Variants in PHLPP1 observed in about 807,000 individuals in gnomAD.
PHLPP1 encodes PH domain and leucine rich repeat protein phosphatase 1.
In PHLPP1, 42 loss-of-function variants were observed where a neutral mutation model predicts 117.2. The observed-to-expected ratio is 0.36, with a 90% CI of 0.28 to 0.46. The LOEUF (loss-of-function observed/expected upper bound fraction) is 0.46, where lower values mean the gene tolerates loss of function less well. PHLPP1 is among the 20% of genes least tolerant of loss of function. PHLPP1 has a pLI of 1.00. For synonymous variants in PHLPP1, 1,042 were observed against 970.7 expected (o/e 1.07, Z -1.37); for missense variants, 2,084 against 2,241.9 (o/e 0.93, Z 1.42).
intron 1 of PHLPP1, among the ~76,000 whole-genome samples, chr18:62,779,931 G>A (rs894717101): frequency 8.5e-5 from 13 of 152,110 alleles, no homozygotes; most frequent in Non-Finnish European, 1.2e-4. Context: ...CCCAGCCTCT[G>A]GTTTTAGTTC....
At chr18:62,916,605 G>GTGTGTGTGTGTGTGT (rs1909283535) in intron 9 of PHLPP1, among the ~76,000 whole-genome samples, 2 of 145,768 alleles carry the variant, frequency 1.4e-5, no homozygotes, top group African/African-American at 5.1e-5. Context: ...CAAGAGGGTG[G>GTGTGTGTGTGTGTGT]GTGTGTGTGT....
chr18:62,748,439 T>C (rs1271051134), intron 1 of PHLPP1, among the ~76,000 whole-genome samples: 1 of 151,800 alleles, frequency 6.6e-6, no homozygotes, highest in Non-Finnish European at 1.5e-5. Context: ...TAGAGATGGG[T>C]TTTTGCCCTG....
intron 15 of PHLPP1, 76 bp from the exon 16 acceptor site, chr18:62,975,321 C>T (rs1055693520): frequency 9.6e-6 from 9 of 935,596 alleles, no homozygotes; most frequent in East Asian, 7.2e-5. Flanking sequence ...TCCAGTGGTG[C>T]GGTCTTGCTG....
At chr18:62,871,644 A>ATT (rs71160879) in intron 4 of PHLPP1, among the ~76,000 whole-genome samples, 4,518 of 108,552 alleles carry the variant, frequency 0.042, 130 homozygotes, top group Non-Finnish European at 0.066. Flanking sequence ...AGCTCTGAAA[A>ATT]TTTTTTTTTT....
chr18:62,924,186 G>T (rs576444426), intron 10 of PHLPP1, among the ~76,000 whole-genome samples: 1 of 152,142 alleles, frequency 6.6e-6, no homozygotes, highest in Non-Finnish European at 1.5e-5. Context: ...TGTGTGTTTG[G>T]CAAATAGCTG....
intron 2 of PHLPP1, among the ~76,000 whole-genome samples, chr18:62,832,519 C>G (rs544386638): frequency 1.7e-4 from 26 of 152,328 alleles, no homozygotes; most frequent in Middle Eastern, 3.4e-3. Flanking sequence ...GTACTAGAGT[C>G]TTGTCCTGTT....
chr18:62,863,965 T>C lies in PHLPP1; in HGVS notation c.2066+3364T>C, dbSNP rs895065047. Among the ~76,000 whole-genome samples the C allele has an allele frequency of 3.5e-5, 5 of 142,878 alleles. No homozygotes were observed. The Admixed American group carries it at 3.6e-4, about 10-fold the overall frequency. 93.7% of individuals were successfully genotyped at this position (142,878 alleles called of 152,430 possible). A position where few individuals can be genotyped will look rare whatever the true frequency, so the allele number is the denominator to read the frequency against. ...CTCAGGTTCGAATGCCTCTGACATATTTCCCCCTTCCCTTTTATTTTTTTA... is the reference window on the plus strand; with the variant it reads ...CTCAGGTTCGAATGCCTCTGACATACTTCCCCCTTCCCTTTTATTTTTTTA... On this transcript the variant is annotated intron_variant, in intron 4 of 16. Coordinates refer to ENST00000262719, the MANE Select transcript of PHLPP1 (RefSeq NM_194449.4).
At chr18:62,958,225 T>C (rs1910674296) in intron 12 of PHLPP1, among the ~76,000 whole-genome samples, 1 of 152,216 alleles carries the variant, frequency 6.6e-6, no homozygotes, top group South Asian at 2.1e-4. Context: ...CTCAGCCTTC[T>C]TTGTTTTTTG....
At chr18:62,781,906 TA>T (rs1913130887) in intron 1 of PHLPP1, among the ~76,000 whole-genome samples, 1 of 152,202 alleles carries the variant, frequency 6.6e-6, no homozygotes, top group African/African-American at 2.4e-5. Flanking sequence ...AAGATTCCCC[TA>T]AGAAACTGTT....
intron 4 of PHLPP1, among the ~76,000 whole-genome samples, chr18:62,881,528 T>C (rs2144384580): frequency 6.6e-6 from 1 of 152,370 alleles, no homozygotes; most frequent in Middle Eastern, 3.4e-3. Flanking sequence ...TTTTGTTTTC[T>C]AGTTATATGA....
chr18:62,913,287 T>C (rs1165274183), intron 8 of PHLPP1, among the ~76,000 whole-genome samples: 2 of 152,108 alleles, frequency 1.3e-5, no homozygotes, highest in African/African-American at 4.8e-5. Flanking sequence ...TGAGATGTTT[T>C]AGATATTAAC....
intron 8 of PHLPP1, among the ~76,000 whole-genome samples, chr18:62,905,694 T>G (rs1252334760): frequency 6.6e-6 from 1 of 152,232 alleles, no homozygotes; most frequent in East Asian, 1.9e-4. Flanking sequence ...CTTTATTTCT[T>G]TGGATTTCTT....
intron 4 of PHLPP1, among the ~76,000 whole-genome samples, chr18:62,873,718 A>T (rs501304): frequency 0.29 from 43,948 of 152,126 alleles, 7,673 homozygotes; most frequent in Non-Finnish European, 0.39. Context: ...GTAACTCCTC[A>T]TTTAATTTCA....
chr18:62,857,057 G>A lies in PHLPP1; in HGVS notation c.1900-3378G>A, dbSNP rs558677532. Among the ~76,000 whole-genome samples, 38 of 152,074 alleles carry A rather than the reference G, an allele frequency of 2.5e-4. 1 individual carries two copies. The highest frequency in any genetic ancestry group is 3.4e-3 in the Middle Eastern group (1 of 294). On this transcript the variant is annotated intron_variant, in intron 3 of 16. Transcript: ENST00000262719. The stretch of plus-strand genomic sequence containing the variant: ...AGTATATTAAGGGCTCACCTAGAAC[G>A]GTAATTGGCACCTCTAGTAGATATT...
intron 1 of PHLPP1, among the ~76,000 whole-genome samples, chr18:62,796,214 C>G (rs1913627951): frequency 6.6e-6 from 1 of 152,162 alleles, no homozygotes; most frequent in Non-Finnish European, 1.5e-5. Context: ...ATTTTCAGAG[C>G]TGTAATAATA....
In PHLPP1 at chr18:62,737,910, G is replaced by C. The variant is rs368079399; in HGVS notation, c.1576+20651G>C. 3.7e-4 allele frequency among the ~76,000 whole-genome samples: 57 copies of C among 152,184 alleles called. 2 individuals carry two copies. In the East Asian group the frequency reaches 7.1e-3, roughly 19 times the overall value. The stretch of plus-strand genomic sequence containing the variant: ...TTTAATGAATGATTATATGTGGAGG[G>C]GGGAAGGGCAGTTCAGGATTTTTTA... On this transcript the variant is annotated intron_variant, in intron 1 of 16. Transcript: ENST00000262719.
At chr18:62,724,573 A>G (rs1911013839) in intron 1 of PHLPP1, among the ~76,000 whole-genome samples, 1 of 152,138 alleles carries the variant, frequency 6.6e-6, no homozygotes, top group Non-Finnish European at 1.5e-5. Flanking sequence ...ACCACCTAGG[A>G]TTTTGATGAT....
At chr18:62,952,143 G>A (rs895860972) in intron 12 of PHLPP1, among the ~76,000 whole-genome samples, 24 of 152,096 alleles carry the variant, frequency 1.6e-4, no homozygotes, top group Non-Finnish European at 3.5e-4. Context: ...AAGTGCTGGT[G>A]GGCTAGGCAC....
intron 3 of PHLPP1, among the ~76,000 whole-genome samples, chr18:62,853,326 A>G (rs1478776168): frequency 4.0e-5 from 6 of 151,682 alleles, no homozygotes; most frequent in Middle Eastern, 3.4e-3. Context: ...TACTAACTCA[A>G]TTAGCCTTAA....
Sources: gnomAD v4.1 joint callset for allele counts (sites outside exome capture counted in the v4.1 genomes callset) on GRCh38, gnomAD v4.1.1 for gene constraint, MANE v1.5 for transcripts, NCBI Gene and HGNC (gene_info 2026-07-23, HGNC 2026-07-21) for gene names.